The following GPC5 variants were observed in gnomAD, a reference collection of about 807,000 sequenced individuals.
The protein encoded by GPC5 is glypican-5.
Under a neutral mutation model 53.9 loss-of-function variants are expected in GPC5, and 47 were observed. The ratio of observed to expected loss-of-function variants is 0.87; its 90% CI spans 0.69 to 1.11. The LOEUF (loss-of-function observed/expected upper bound fraction) is 1.11, where lower values mean the gene tolerates loss of function less well. Ranked by LOEUF, GPC5 falls within the 50% of genes most tolerant of loss-of-function variation. GPC5 has a pLI of 0.00. For missense variants in GPC5, 748 were observed against 713.1 expected (o/e 1.05, Z -0.56); for synonymous variants, 286 against 263.3 (o/e 1.09, Z -0.84).
chr13:91,824,922 A>T (rs2038552806), intron 5 of GPC5, among the ~76,000 whole-genome samples: 1 of 152,112 alleles, frequency 6.6e-6, no homozygotes. Flanking sequence ...CTGCAATTTT[A>T]TGTTATTTCT....
rs373120025 is a variant in GPC5 at position 91,755,952 on chromosome 13, T to A, written c.1155-343T>A. 1.5e-3 allele frequency among the ~76,000 whole-genome samples: 226 copies of A among 152,108 alleles called. 1 individual carries two copies. The Middle Eastern group carries it at 0.031, about 21-fold the overall frequency. ...GGACTTTTAGGGAGGCTAAATGAAG[T>A]GATGTCGTTCTTTATGCATCAGTAT... On this transcript the variant is annotated intron_variant, in intron 4 of 7. Transcript: ENST00000377067.
chr13:92,838,552 CT>C (rs1348206488), intron 7 of GPC5, among the ~76,000 whole-genome samples: 1 of 151,426 alleles, frequency 6.6e-6, no homozygotes, highest in Non-Finnish European at 1.5e-5. Context: ...TATCGTGCCT[CT>C]ATAATTGTTA....
intron 6 of GPC5, among the ~76,000 whole-genome samples, chr13:91,966,312 T>C (rs1425458758): frequency 6.6e-6 from 1 of 152,066 alleles, no homozygotes; most frequent in East Asian, 1.9e-4. Context: ...CAATCAAAAG[T>C]GTATAATGGG....
At chr13:92,271,298 T>A (rs1400398179) in intron 7 of GPC5, among the ~76,000 whole-genome samples, 1 of 152,214 alleles carries the variant, frequency 6.6e-6, no homozygotes, top group Non-Finnish European at 1.5e-5. Flanking sequence ...ACATTTTAAC[T>A]AAGTGTAGAA....
chr13:91,782,428 A>G lies in GPC5; in HGVS notation c.1280+26008A>G, dbSNP rs552618289. Among the ~76,000 whole-genome samples the G allele has an allele frequency of 2.6e-5, 4 of 152,284 alleles. No homozygotes were observed. In the East Asian group the frequency reaches 7.7e-4, roughly 29 times the overall value. On this transcript the variant is annotated intron_variant, in intron 5 of 7. Coordinates refer to ENST00000377067, the MANE Select transcript of GPC5 (RefSeq NM_004466.6). Reference sequence around the variant, plus strand: ...CAGTCATGGTGGAAGGTGAAAGGGAAGCAAGGACCTTCTTCACATGGCGCC... The same window carrying G: ...CAGTCATGGTGGAAGGTGAAAGGGAGGCAAGGACCTTCTTCACATGGCGCC...
intron 2 of GPC5, among the ~76,000 whole-genome samples, chr13:91,591,275 A>G (rs1025951200): frequency 6.6e-6 from 1 of 152,146 alleles, no homozygotes; most frequent in East Asian, 1.9e-4. Context: ...GCTTTCATAA[A>G]TTATCTCTTC....
Position 92,382,693 on chromosome 13 carries a change from G to A in GPC5, c.1561+237704G>A, listed in dbSNP as rs868735237. Among the ~76,000 whole-genome samples, 9 of 152,216 alleles carry A rather than the reference G, an allele frequency of 5.9e-5. No individual in the cohort carries two copies. The South Asian group carries it at 8.3e-4, about 14-fold the overall frequency. On this transcript the variant is annotated intron_variant, in intron 7 of 7. Coordinates refer to ENST00000377067, the MANE Select transcript of GPC5 (RefSeq NM_004466.6). ...TAGCTCTCATCAGTTAATAGAACAG[G>A]CACATTATAATGCACATCATAAGAA...
At chr13:91,906,816 T>C (rs1487039374) in intron 5 of GPC5, among the ~76,000 whole-genome samples, 1 of 151,962 alleles carries the variant, frequency 6.6e-6, no homozygotes, top group Non-Finnish European at 1.5e-5. Flanking sequence ...ATGACCCTTT[T>C]ACATACGACA....
intron 5 of GPC5, among the ~76,000 whole-genome samples, chr13:91,827,824 C>A (rs1389593573): frequency 1.3e-5 from 2 of 151,968 alleles, no homozygotes; most frequent in African/African-American, 4.8e-5. Context: ...CTTAACTTGG[C>A]AATATGTCAC....
At chr13:92,608,287 T>A (rs1884320364) in intron 7 of GPC5, among the ~76,000 whole-genome samples, 1 of 152,174 alleles carries the variant, frequency 6.6e-6, no homozygotes, top group African/African-American at 2.4e-5. Flanking sequence ...AACTGTTAAT[T>A]GTGCACAGTC....
chr13:91,410,371 A>G (rs1266161990), intron 1 of GPC5, among the ~76,000 whole-genome samples: 1 of 114,042 alleles, frequency 8.8e-6, no homozygotes, highest in Non-Finnish European at 1.7e-5. Context: ...TTTGAGACCA[A>G]GTCTCTCTCT....
chr13:92,178,424 A>G, intron 7 of GPC5, among the ~76,000 whole-genome samples: 1 of 150,206 alleles, frequency 6.7e-6, no homozygotes, highest in East Asian at 1.9e-4. Context: ...TAATATATAT[A>G]TTTATATATA....
intron 6 of GPC5, among the ~76,000 whole-genome samples, chr13:92,035,929 C>G (rs1348285539): frequency 6.6e-6 from 1 of 152,136 alleles, no homozygotes; most frequent in East Asian, 1.9e-4. Context: ...TTGTTTATCA[C>G]CTTTTCCACA....
chr13:92,486,797 C>T (rs1879571198), intron 7 of GPC5, among the ~76,000 whole-genome samples: 1 of 151,846 alleles, frequency 6.6e-6, no homozygotes, highest in Non-Finnish European at 1.5e-5. Context: ...ACATCAGCCA[C>T]ATTTCATGTG....
chr13:92,797,569 T>G (rs897816839), intron 7 of GPC5, among the ~76,000 whole-genome samples: 2 of 151,902 alleles, frequency 1.3e-5, no homozygotes, highest in African/African-American at 4.8e-5. Flanking sequence ...TAAATTATGT[T>G]CTGCCACACA....
chr13:92,048,778 G>A (rs780709106), intron 6 of GPC5, among the ~76,000 whole-genome samples: 1 of 152,106 alleles, frequency 6.6e-6, no homozygotes, highest in African/African-American at 2.4e-5. Context: ...ATGACACCGA[G>A]CAGTCACAAT....
intron 7 of GPC5, among the ~76,000 whole-genome samples, chr13:92,433,406 G>A (rs1263901061): frequency 6.6e-6 from 1 of 152,180 alleles, no homozygotes; most frequent in Non-Finnish European, 1.5e-5. Flanking sequence ...ATAGGTTGAA[G>A]GTTCTAATGA....
rs370707098 is a variant in GPC5, at chr13:92,467,787, A to C, written c.1561+322798A>C. On this transcript the variant is annotated intron_variant, in intron 7 of 7. Transcript: ENST00000377067. ...CACAAAGGAGACTTGTGAACTTTAAATTCCCTCCCCGAAAAAACATTATTT... is the reference window on the plus strand; with the variant it reads ...CACAAAGGAGACTTGTGAACTTTAACTTCCCTCCCCGAAAAAACATTATTT... Among the ~76,000 whole-genome samples the C allele has an allele frequency of 7.9e-5, 12 of 152,188 alleles. No individual in the cohort carries two copies. The South Asian group carries it at 2.5e-3, about 32-fold the overall frequency.
rs573390176 is a variant in GPC5, at chr13:91,618,510, G to A, written c.326-74677G>A. Among the ~76,000 whole-genome samples the A allele has an allele frequency of 4.7e-5, 7 of 150,298 alleles. No homozygotes were observed. The South Asian group carries it at 1.5e-3, about 31-fold the overall frequency. ...CACTACTCTCTCTCAGCCCACTCATGTGTACACAGCCCGGTTCATGTGCTT... is the reference window on the plus strand; with the variant it reads ...CACTACTCTCTCTCAGCCCACTCATATGTACACAGCCCGGTTCATGTGCTT... On this transcript the variant is annotated intron_variant, in intron 2 of 7. Transcript: ENST00000377067.
Sources: gnomAD v4.1 joint callset for allele counts (sites outside exome capture counted in the v4.1 genomes callset) on GRCh38, gnomAD v4.1.1 for gene constraint, MANE v1.5 for transcripts, NCBI Gene and HGNC (gene_info 2026-07-23, HGNC 2026-07-21) for gene names.